DPYD: variants seen among roughly 807,000 people sequenced by gnomAD.
The protein encoded by DPYD is dihydropyrimidine dehydrogenase [NADP(+)].
In DPYD, 109 loss-of-function variants were observed where a neutral mutation model predicts 116.2. The observed-to-expected ratio is 0.94, with a 90% CI of 0.80 to 1.10. The LOEUF is 1.10. DPYD is among the 50% of genes least tolerant of loss of function. The pLI is 0.00. For missense variants in DPYD, 1,302 were observed against 1,254.5 expected, an observed-to-expected ratio of 1.04 and a Z score of -0.57; for synonymous variants, 440 against 432.0, an observed-to-expected ratio of 1.02 and a Z score of -0.23.
chr1:97,904,353 G>A lies in DPYD; in HGVS notation c.39+16531C>T, dbSNP rs989654580. Among the ~76,000 whole-genome samples the A allele has an allele frequency of 3.3e-5, 5 of 151,958 alleles. 1 individual carries two copies. Among genetic ancestry groups the A allele is most frequent in the African/African-American group, 1.2e-4 (5 of 41,410 alleles). ...TCAGTGACAATATCTTAATCATAAT[G>A]GAAGTGTGGGAGACCAGAATATACC... is the stretch of plus-strand genomic sequence containing the variant. On this transcript the variant is annotated intron_variant, in intron 1 of 22. Coordinates refer to ENST00000370192, the MANE Select transcript of DPYD (RefSeq NM_000110.4).
At chr1:97,825,357 T>C (rs1669180749) in intron 3 of DPYD, among the ~76,000 whole-genome samples, 1 of 151,844 alleles carries the variant, frequency 6.6e-6, no homozygotes, top group South Asian at 2.1e-4. Context: ...AATAAGGAGG[T>C]ACCCAAGATG....
chr1:97,546,505 G>T (rs1448196187), intron 12 of DPYD: 1 of 1,602,732 alleles, frequency 6.2e-7, no homozygotes. Flanking sequence ...AAACAAAGAT[G>T]ATGAAGCAGA....
chr1:97,506,095 C>T (rs538567982), intron 13 of DPYD, among the ~76,000 whole-genome samples: 50 of 152,068 alleles, frequency 3.3e-4, no homozygotes, highest in African/African-American at 1.2e-3. Flanking sequence ...AAGCACATTG[C>T]TAGTCCTTTA....
At chr1:97,334,567 C>A (rs542137406) in intron 16 of DPYD, among the ~76,000 whole-genome samples, 2 of 152,224 alleles carry the variant, frequency 1.3e-5, no homozygotes, top group African/African-American at 4.8e-5. Flanking sequence ...AGACAAAGTC[C>A]GAGTAATCAA....
intron 19 of DPYD, among the ~76,000 whole-genome samples, chr1:97,195,562 G>T: frequency 2.5e-5 from 2 of 79,232 alleles, no homozygotes; most frequent in Non-Finnish European, 4.9e-5. Context: ...GAGAGAGACA[G>T]AACTCTCATA....
chr1:97,593,197 T>A, intron 10 of DPYD, 21 bp downstream of exon 10: 2 of 1,613,350 alleles, frequency 1.2e-6, no homozygotes, highest in Non-Finnish European at 1.7e-6. Context: ...AACTCCATAT[T>A]TTCTGATGGT....
chr1:97,128,614 A>G (rs1653032694), intron 20 of DPYD, among the ~76,000 whole-genome samples: 1 of 152,140 alleles, frequency 6.6e-6, no homozygotes, highest in East Asian at 1.9e-4. Flanking sequence ...AAAGATGGGA[A>G]GAAAATGTAA....
chr1:97,351,840 AG>A (rs961456558), intron 16 of DPYD, among the ~76,000 whole-genome samples: 6 of 152,154 alleles, frequency 3.9e-5, no homozygotes, highest in African/African-American at 1.4e-4. Flanking sequence ...AACATTTAAA[AG>A]GAACAAGGAA....
At chr1:97,517,261 C>T (rs1398286478) in intron 12 of DPYD, among the ~76,000 whole-genome samples, 2 of 152,000 alleles carry the variant, frequency 1.3e-5, no homozygotes, top group Non-Finnish European at 2.9e-5. Flanking sequence ...ATTGGTTAGT[C>T]TGGGTGTGAA....
At chr1:97,546,476 G>T (rs1650875299) in intron 12 of DPYD, 6 of 1,603,782 alleles carry the variant, frequency 3.7e-6, no homozygotes, top group Non-Finnish European at 5.1e-6. Flanking sequence ...GACTCTGATA[G>T]AGAGCAAGAT....
intron 8 of DPYD, among the ~76,000 whole-genome samples, chr1:97,622,593 G>A (rs572034880): frequency 5.9e-5 from 9 of 152,070 alleles, no homozygotes; most frequent in African/African-American, 1.9e-4. Flanking sequence ...TAATAATAAC[G>A]TATTAATTCT....
At chr1:97,914,757 G>A (rs542303508) in intron 1 of DPYD, among the ~76,000 whole-genome samples, 1 of 152,050 alleles carries the variant, frequency 6.6e-6, no homozygotes, top group African/African-American at 2.4e-5. Flanking sequence ...AAATGAAATG[G>A]GTCTCTTTAA....
chr1:97,354,682 A>AAAAATC (rs1297965171), intron 16 of DPYD, among the ~76,000 whole-genome samples: 1 of 152,222 alleles, frequency 6.6e-6, no homozygotes, highest in African/African-American at 2.4e-5. Context: ...CTCAATTTAA[A>AAAAATC]AAAATCAGAA....
intron 20 of DPYD, among the ~76,000 whole-genome samples, chr1:97,105,118 A>C (rs1054739143): frequency 6.6e-6 from 1 of 152,116 alleles, no homozygotes; most frequent in Non-Finnish European, 1.5e-5. Context: ...CTCTTTAAAA[A>C]CTGTCATTTT....
At chr1:97,713,310 AT>A (rs1234956429) in intron 5 of DPYD, among the ~76,000 whole-genome samples, 1 of 152,126 alleles carries the variant, frequency 6.6e-6, no homozygotes, top group Non-Finnish European at 1.5e-5. Context: ...ATTTACATTT[AT>A]TTTTAAAAAC....
chr1:97,783,756 G>C (rs543519080), intron 3 of DPYD, among the ~76,000 whole-genome samples: 91 of 152,254 alleles, frequency 6.0e-4, no homozygotes, highest in African/African-American at 1.9e-3. Flanking sequence ...AACTGGAAAA[G>C]ACAAAAAAAG....
chr1:97,210,854 T>G (rs1237903559), intron 19 of DPYD, among the ~76,000 whole-genome samples: 2 of 152,168 alleles, frequency 1.3e-5, no homozygotes, highest in Non-Finnish European at 2.9e-5. Flanking sequence ...TTTCTTTTCA[T>G]GTCCACAACC....
chr1:97,921,029 C>G lies in DPYD; in HGVS notation c.-107G>C. On this transcript the variant is annotated 5_prime_UTR_variant, in exon 1 of 23. Transcript: ENST00000370192. ...AGCCGGAGCGCGAGTCGAAAACAGG[C>G]AGACTAGGGCCGGCGGCGCGGGGGC... 1 of 1,403,868 alleles carries G rather than the reference C, an allele frequency of 7.1e-7. No homozygotes were observed. Among genetic ancestry groups the G allele is most frequent in the Non-Finnish European group, 9.7e-7 (1 of 1,025,808 alleles). The allele number at this position is 1,403,868 out of a possible 1,614,324, so 87.0% of individuals were successfully genotyped here.
At chr1:97,370,358 G>A (rs1289457182) in intron 16 of DPYD, among the ~76,000 whole-genome samples, 1 of 152,104 alleles carries the variant, frequency 6.6e-6, no homozygotes, top group East Asian at 1.9e-4. Flanking sequence ...AATGGGAGTT[G>A]AACAACAAGA....
Sources: gnomAD v4.1 joint callset for allele counts (sites outside exome capture counted in the v4.1 genomes callset) on GRCh38, gnomAD v4.1.1 for gene constraint, MANE v1.5 for transcripts, NCBI Gene and HGNC (gene_info 2026-07-23, HGNC 2026-07-21) for gene names.